The following TUBB6 variants were observed in gnomAD, a reference collection of about 807,000 sequenced individuals.
TUBB6 encodes tubulin beta 6 class V.
In TUBB6, 18 loss-of-function variants were observed where a neutral mutation model predicts 32.3. The observed-to-expected ratio is 0.56, with a 90% CI of 0.39 to 0.83. The LOEUF (loss-of-function observed/expected upper bound fraction) is 0.83, where lower values mean the gene tolerates loss of function less well. Ranked by LOEUF, TUBB6 falls within the 40% of genes least tolerant of loss-of-function variation. The probability of loss-of-function intolerance (pLI) is 0.00; values close to 1 mark genes in which losing one functional copy is unlikely to be tolerated. For synonymous variants in TUBB6, 280 were observed against 265.8 expected (o/e 1.05, Z -0.52); for missense variants, 480 against 632.0 (o/e 0.76, Z 2.58).
chr18:12,308,600 C>T, intron 1 of TUBB6, 87 bp from the exon 2 acceptor site: 2 of 1,058,364 alleles, frequency 1.9e-6, no homozygotes, highest in Admixed American at 4.3e-5. Flanking sequence ...TGGAATTCGG[C>T]CGCCGGGGCG....
rs1424743219 is a variant in TUBB6 at position 12,326,330 on chromosome 18, C to G, written c.*200C>G. 1.3e-6 allele frequency: 1 copy of G among 748,982 alleles called. No homozygotes were observed. The highest frequency in any genetic ancestry group is 2.1e-6 in the Non-Finnish European group (1 of 485,244). The allele number at this position is 748,982 out of a possible 1,614,324, so 46.4% of individuals were successfully genotyped here. A position where few individuals can be genotyped will look rare whatever the true frequency, so the allele number is the denominator to read the frequency against. On this transcript the variant is annotated 3_prime_UTR_variant, in exon 4 of 4. Coordinates refer to ENST00000317702, the MANE Select transcript of TUBB6 (RefSeq NM_032525.3). ...CAGAGAATTGCGGGTTCTACCCAGT[C>G]AGAAGATCACACCATGGAGACTTTC...
At position 12,325,109 on chromosome 18, in the gene TUBB6, C is replaced by T. The variant is rs1319044407; in HGVS notation, c.320C>T (p.Thr107Met). 6.3e-7 allele frequency: 1 copy of T among 1,593,918 alleles called. No individual in the cohort carries two copies. The highest frequency in any genetic ancestry group is 1.7e-5 in the Admixed American group (1 of 59,276). ...AGNNWAKGHY[T>M]EGAELVDAVL... The stretch of plus-strand genomic sequence containing the variant: ...AACAACTGGGCGAAAGGGCACTACA[C>T]GGAGGGCGCGGAGCTGGTGGACGCA... Residue 107 changes from threonine to methionine, a missense_variant, in exon 4 of 4, where the codon ACG (threonine) becomes ATG (methionine). Thr to Met is a moderately conservative substitution (Grantham distance 81). Transcript: ENST00000317702.
At chr18:12,312,740 C>T (rs1277813741) in intron 3 of TUBB6, among the ~76,000 whole-genome samples, 1 of 150,830 alleles carries the variant, frequency 6.6e-6, no homozygotes, top group African/African-American at 2.4e-5. Flanking sequence ...TAGCTAACGC[C>T]TGTAATCCCA....
chr18:12,308,419 C>T (rs575218041), intron 1 of TUBB6, 70 bp downstream of exon 1: 5 of 1,198,060 alleles, frequency 4.2e-6, no homozygotes, highest in African/African-American at 3.2e-5. Context: ...CCCGGCGCGA[C>T]CCCCGCCGGG....
chr18:12,327,714 C>T (rs1907383838), downstream of TUBB6, among the ~76,000 whole-genome samples: 1 of 152,168 alleles, frequency 6.6e-6, no homozygotes, highest in Non-Finnish European at 1.5e-5. Context: ...GGTTGAGCAG[C>T]CATCCAGGGC....
In TUBB6 at chr18:12,325,605, G is replaced by A. The variant is rs140883153; in HGVS notation, c.816G>A (p.Pro272=). 14 of 1,613,716 alleles carry A rather than the reference G, an allele frequency of 8.7e-6. No individual in the cohort carries two copies. Among genetic ancestry groups the A allele is most frequent in the African/African-American group, 8.0e-5 (6 of 75,048 alleles). The change falls in exon 4 of 4, where the codon CCG becomes CCA. Residue 272 remains proline (P), a synonymous_variant. Coordinates refer to ENST00000317702, the MANE Select transcript of TUBB6 (RefSeq NM_032525.3). The part of the protein sequence containing the change: ...RLHFFMPGFA[P]LTSRGSQQYR... Reference sequence around the variant, plus strand: ...ACTTCTTCATGCCTGGCTTCGCGCCGCTCACCAGCCGCGGCAGCCAGCAGT... The same window carrying A: ...ACTTCTTCATGCCTGGCTTCGCGCCACTCACCAGCCGCGGCAGCCAGCAGT...
At chr18:12,320,148 A>G (rs745519641) in intron 3 of TUBB6, among the ~76,000 whole-genome samples, 2 of 151,924 alleles carry the variant, frequency 1.3e-5, no homozygotes, top group Non-Finnish European at 2.9e-5. Flanking sequence ...GGATCCCTTG[A>G]GCCCAGGAGT....
chr18:12,325,617 C>T lies in TUBB6; in HGVS notation c.828C>T (p.Arg276=), dbSNP rs376782121. The change falls in exon 4 of 4, where the codon CGC becomes CGT. Residue 276 remains arginine, a synonymous_variant. Coordinates refer to ENST00000317702, the MANE Select transcript of TUBB6 (RefSeq NM_032525.3). ...FMPGFAPLTS[R]GSQQYRALTV... ...CTGGCTTCGCGCCGCTCACCAGCCG[C>T]GGCAGCCAGCAGTACCGGGCCCTGA... The T allele has an allele frequency of 1.5e-5, 24 of 1,613,690 alleles. No individual in the cohort carries two copies. The highest frequency in any genetic ancestry group is 1.9e-5 in the Non-Finnish European group (23 of 1,179,944).
downstream of TUBB6, chr18:12,329,063 A>G: frequency 1.4e-6 from 1 of 693,758 alleles, no homozygotes; most frequent in Non-Finnish European, 2.6e-6. Flanking sequence ...CCATTAAGAC[A>G]GCAACAAGTG....
upstream of TUBB6, chr18:12,308,083 G>A (rs1411667030): frequency 6.2e-6 from 1 of 160,108 alleles, no homozygotes; most frequent in Non-Finnish European, 1.3e-5. Context: ...CCCGGCAAGG[G>A]TCCCCCGACT....
downstream of TUBB6, chr18:12,329,068 C>A (rs951448975): frequency 4.3e-6 from 3 of 695,700 alleles, no homozygotes; most frequent in African/African-American, 5.3e-5. Context: ...AAGACAGCAA[C>A]AAGTGATCTG....
At chr18:12,308,564 G>A (rs1376258067) in intron 1 of TUBB6, 123 bp from the exon 2 acceptor site, 5 of 801,116 alleles carry the variant, frequency 6.2e-6, no homozygotes, top group Non-Finnish European at 9.8e-6. Context: ...CCAACTGGGA[G>A]CGGCTGCCGG....
rs34553814 is a variant in TUBB6 at position 12,310,965 on chromosome 18, C to A, written c.189C>A (p.Ala63=). ...ESSSQKYVPR[A]ALVDLEPGTM... ...CAGCTCAGAAATATGTGCCCAGGGC[C>A]GCCCTGGTGGACTTAGAGCCAGGCA... The change falls in exon 3 of 4, where the codon GCC becomes GCA. Residue 63 remains alanine, a synonymous_variant. Coordinates refer to ENST00000317702, the MANE Select transcript of TUBB6 (RefSeq NM_032525.3). 4 of 1,613,108 alleles carry A rather than the reference C, an allele frequency of 2.5e-6. No homozygotes were observed. The Admixed American group carries it at 6.7e-5, about 27-fold the overall frequency.
At chr18:12,326,715 C>CT (rs1171644126), downstream of TUBB6, 1 of 153,990 alleles carries the variant, frequency 6.5e-6, no homozygotes, top group African/African-American at 2.4e-5. Flanking sequence ...TAAATGGAGG[C>CT]TTTAAGGGGG....
intron 3 of TUBB6, among the ~76,000 whole-genome samples, chr18:12,311,545 T>C (rs1906385264): frequency 6.6e-6 from 1 of 152,124 alleles, no homozygotes; most frequent in Non-Finnish European, 1.5e-5. Context: ...TGCAGTGAGC[T>C]GAGATTGCAC....
chr18:12,315,984 G>C (rs910651709), intron 3 of TUBB6, among the ~76,000 whole-genome samples: 6 of 152,222 alleles, frequency 3.9e-5, no homozygotes, highest in African/African-American at 1.4e-4. Flanking sequence ...TGTGGTCACG[G>C]AAAAGGCAGC....
downstream of TUBB6, among the ~76,000 whole-genome samples, chr18:12,327,445 T>C (rs1193672192): frequency 6.6e-6 from 1 of 152,258 alleles, no homozygotes; most frequent in Non-Finnish European, 1.5e-5. Context: ...GTATTTATTT[T>C]GTGTTAAGCC....
chr18:12,311,140 C>A, intron 3 of TUBB6, 87 bp downstream of exon 3: 1 of 1,183,852 alleles, frequency 8.4e-7, no homozygotes, highest in Non-Finnish European at 1.2e-6. Context: ...CATCATGTGT[C>A]ATAGAAAAAG....
chr18:12,322,989 T>C (rs1168339835), intron 3 of TUBB6, among the ~76,000 whole-genome samples: 1 of 152,198 alleles, frequency 6.6e-6, no homozygotes, highest in African/African-American at 2.4e-5. Flanking sequence ...ATGCAACTAT[T>C]TGACTTATGA....
Sources: gnomAD v4.1 joint callset for allele counts (sites outside exome capture counted in the v4.1 genomes callset) on GRCh38, gnomAD v4.1.1 for gene constraint, MANE v1.5 for transcripts, NCBI Gene and HGNC (gene_info 2026-07-23, HGNC 2026-07-21) for gene names.